The following ADAM7 variants were observed in gnomAD, a reference collection of about 807,000 sequenced individuals.
ADAM7 encodes ADAM metallopeptidase domain 7.
In ADAM7, 97 loss-of-function variants were observed where a neutral mutation model predicts 102.9. The observed-to-expected ratio is 0.94, with a 90% CI of 0.80 to 1.12. The LOEUF is 1.12. Ranked by LOEUF, ADAM7 falls within the 50% of genes most tolerant of loss-of-function variation. The probability of loss-of-function intolerance (pLI) is 0.00; values close to 1 mark genes in which losing one functional copy is unlikely to be tolerated. For synonymous variants in ADAM7, 334 were observed against 304.4 expected (o/e 1.10, Z -1.01); for missense variants, 991 against 908.7 (o/e 1.09, Z -1.16).
chr8:24,446,945 T>A (rs1368191248), intron 2 of ADAM7, among the ~76,000 whole-genome samples: 1 of 150,082 alleles, frequency 6.7e-6, no homozygotes, highest in African/African-American at 2.4e-5. Flanking sequence ...TAACTATATT[T>A]ATATTTTATT....
intron 8 of ADAM7, 118 bp from the exon 9 acceptor site, chr8:24,482,024 C>T: frequency 1.4e-6 from 1 of 715,350 alleles, no homozygotes; most frequent in Non-Finnish European, 2.2e-6. Flanking sequence ...GCACTGTTTA[C>T]TAATGTACCT....
chr8:24,473,191 T>A (rs1430804611), intron 7 of ADAM7, among the ~76,000 whole-genome samples: 3 of 152,174 alleles, frequency 2.0e-5, no homozygotes. Context: ...TTACAAACTG[T>A]TCCACAGAAT....
At chr8:24,483,545 A>G (rs1178284235) in intron 9 of ADAM7, among the ~76,000 whole-genome samples, 1 of 152,200 alleles carries the variant, frequency 6.6e-6, no homozygotes, top group African/African-American at 2.4e-5. Context: ...TGTAGTCAGA[A>G]GTCAGATTCA....
intron 11 of ADAM7, among the ~76,000 whole-genome samples, chr8:24,487,662 GA>G (rs893816214): frequency 6.0e-5 from 9 of 151,230 alleles, no homozygotes; most frequent in African/African-American, 1.7e-4. Flanking sequence ...AAAAAGAAAA[GA>G]AAAAAATATG....
rs1356872661 is a variant in ADAM7, at chr8:24,441,043, G to A, written c.-66G>A. ...GGTGCTTCATCCCTGCAGTGGAAGT[G>A]AGGAGGAAGAAAGGTGAACTCCTTT... On this transcript the variant is annotated 5_prime_UTR_variant, in exon 1 of 22. Coordinates refer to ENST00000175238, the MANE Select transcript of ADAM7 (RefSeq NM_003817.4). 6.9e-7 allele frequency: 1 copy of A among 1,455,028 alleles called. No individual in the cohort carries two copies. Among genetic ancestry groups the A allele is most frequent in the Non-Finnish European group, 9.6e-7 (1 of 1,036,388 alleles). 90.1% of individuals were successfully genotyped at this position (1,455,028 alleles called of 1,614,324 possible). A position where few individuals can be genotyped will look rare whatever the true frequency, so the allele number is the denominator to read the frequency against.
intron 17 of ADAM7, among the ~76,000 whole-genome samples, 188 bp from the exon 18 acceptor site, chr8:24,499,990 T>G (rs1420734186): frequency 6.6e-6 from 1 of 152,208 alleles, no homozygotes; most frequent in Non-Finnish European, 1.5e-5. Context: ...AGATGGCTGC[T>G]TCTTGTATTT....
chr8:24,475,978 C>A, intron 7 of ADAM7: 1 of 456,264 alleles, frequency 2.2e-6, no homozygotes, highest in Non-Finnish European at 4.4e-6. Context: ...ACTTCTCCAG[C>A]TCCAGTGGGT....
intron 16 of ADAM7, among the ~76,000 whole-genome samples, chr8:24,493,876 T>C (rs1468495513): frequency 2.0e-5 from 3 of 152,314 alleles, no homozygotes; most frequent in Non-Finnish European, 4.4e-5. Context: ...ATAATTCAGA[T>C]GACCAGCAAT....
At chr8:24,475,884 A>AGAC (rs1563384938) in intron 7 of ADAM7, 1 of 456,038 alleles carries the variant, frequency 2.2e-6, no homozygotes, top group African/African-American at 2.0e-5. Context: ...AAGTCAGAGT[A>AGAC]GACTGGACAT....
At position 24,445,856 on chromosome 8, in the gene ADAM7, T is replaced by C. The variant is rs149393716; in HGVS notation, c.157-1330T>C. Among the ~76,000 whole-genome samples, 919 of 152,344 alleles carry C rather than the reference T, an allele frequency of 6.0e-3. 4 individuals are homozygous for C. Among genetic ancestry groups the C allele is most frequent in the Middle Eastern group, 0.037 (11 of 294 alleles). On this transcript the variant is annotated intron_variant, in intron 2 of 21. Transcript: ENST00000175238. The stretch of plus-strand genomic sequence containing the variant: ...ATTGAACCTCTGTCTGTTCTTCAAA[T>C]GTGTCATGTTCCTTCCTGGCTCAGA...
chr8:24,462,617 T>G (rs1365857628), intron 3 of ADAM7, among the ~76,000 whole-genome samples: 1 of 152,182 alleles, frequency 6.6e-6, no homozygotes, highest in Non-Finnish European at 1.5e-5. Context: ...ATCCTTGAGG[T>G]ACTTTCTTTT....
chr8:24,488,323 C>G (rs1820214438), intron 11 of ADAM7, among the ~76,000 whole-genome samples: 1 of 152,106 alleles, frequency 6.6e-6, no homozygotes, highest in African/African-American at 2.4e-5. Context: ...ACCAAGCAGT[C>G]AGGTCCTAAG....
intron 3 of ADAM7, among the ~76,000 whole-genome samples, chr8:24,452,305 C>A (rs1178838768): frequency 2.0e-5 from 3 of 149,740 alleles, no homozygotes; most frequent in Non-Finnish European, 4.5e-5. Context: ...GCAGGTCACT[C>A]AGGACTTGCT....
rs762131594 is a variant in ADAM7 at position 24,487,297 on chromosome 8, C to A, written c.1071C>A (p.Cys357Ter). The part of the protein sequence containing the change: ...EFPCTCPSGK[C>*]VMDSDGSIPA... ...CATGCACCTGTCCTTCAGGAAAATG[C>A]GTGATGGACAGTGATGGAAGGTGAG... is the stretch of plus-strand genomic sequence containing the variant. Residue 357 changes from cysteine (C) to a stop codon, truncating the protein, a stop_gained, in exon 11 of 22, where the codon TGC (cysteine) becomes TGA (stop). Transcript: ENST00000175238. LOFTEE classifies it high-confidence loss of function. 6.2e-7 allele frequency: 1 copy of A among 1,613,444 alleles called. No homozygotes were observed. The highest frequency in any genetic ancestry group is 1.1e-5 in the South Asian group (1 of 91,044).
chr8:24,490,556 ACT>A (rs550837561), intron 12 of ADAM7: 1 of 414,022 alleles, frequency 2.4e-6, no homozygotes, highest in Non-Finnish European at 4.3e-6. Context: ...TAAATGTTGG[ACT>A]CTCTAATTCT....
intron 3 of ADAM7, among the ~76,000 whole-genome samples, chr8:24,457,409 G>A (rs1340370823): frequency 6.6e-6 from 1 of 152,022 alleles, no homozygotes; most frequent in African/African-American, 2.4e-5. Flanking sequence ...CCCAGTAGCT[G>A]GGACTGCAGG....
At chr8:24,469,086 T>C (rs1819523177) in intron 7 of ADAM7, among the ~76,000 whole-genome samples, 1 of 152,276 alleles carries the variant, frequency 6.6e-6, no homozygotes, top group Non-Finnish European at 1.5e-5. Context: ...TTTAGCAACC[T>C]GTTGTTAAGC....
At chr8:24,494,117 T>C (rs1158877877) in intron 16 of ADAM7, among the ~76,000 whole-genome samples, 6 of 152,170 alleles carry the variant, frequency 3.9e-5, no homozygotes. Flanking sequence ...CCCTTCTCTC[T>C]CTACACTATC....
At chr8:24,474,766 A>G (rs1418716887) in intron 7 of ADAM7, among the ~76,000 whole-genome samples, 3 of 151,962 alleles carry the variant, frequency 2.0e-5, no homozygotes, top group Non-Finnish European at 4.4e-5. Context: ...GTGGTGGTGT[A>G]CACCTGCAAT....
Sources: allele counts gnomAD v4.1 joint callset (sites outside exome capture counted in the v4.1 genomes callset), GRCh38; gene constraint gnomAD v4.1.1; transcripts MANE v1.5; gene names NCBI Gene and HGNC (gene_info 2026-07-23, HGNC 2026-07-21).